The following PLSCR4 variants were observed in gnomAD, a reference collection of about 807,000 sequenced individuals.
PLSCR4 encodes the protein phospholipid scramblase 4.
In PLSCR4, 25 loss-of-function variants were observed where a neutral mutation model predicts 36.3. The observed-to-expected ratio is 0.69, with a 90% CI of 0.50 to 0.96. PLSCR4 has a LOEUF of 0.96. Ranked by LOEUF, PLSCR4 falls within the 40% of genes least tolerant of loss-of-function variation. The pLI, the probability that PLSCR4 is intolerant of heterozygous loss-of-function variation, is 0.00. For synonymous variants in PLSCR4, 122 were observed against 132.9 expected (o/e 0.92, Z 0.56); for missense variants, 408 against 414.7 (o/e 0.98, Z 0.14).
intron 1 of PLSCR4, among the ~76,000 whole-genome samples, chr3:146,246,835 A>C (rs1212293502): frequency 6.6e-6 from 1 of 152,174 alleles, no homozygotes; most frequent in Non-Finnish European, 1.5e-5. Context: ...TGTGCAAACA[A>C]ACACAAATAT....
chr3:146,215,724 T>G (rs1251423995), intron 3 of PLSCR4, among the ~76,000 whole-genome samples: 5 of 152,220 alleles, frequency 3.3e-5, no homozygotes, highest in Non-Finnish European at 7.3e-5. Context: ...TCACCTCATG[T>G]CCACATAAGT....
intron 1 of PLSCR4, among the ~76,000 whole-genome samples, chr3:146,231,288 C>T (rs4273339): frequency 0.79 from 120,297 of 152,092 alleles, 48,327 homozygotes; most frequent in Non-Finnish European, 0.86. Context: ...ACTAGGTTGA[C>T]TTCATGTTGT....
chr3:146,214,633 A>C (rs1192035222), intron 3 of PLSCR4, among the ~76,000 whole-genome samples: 1 of 151,868 alleles, frequency 6.6e-6, no homozygotes, highest in Non-Finnish European at 1.5e-5. Context: ...ACATGATTTT[A>C]ATTGTTTTAA....
intron 1 of PLSCR4, among the ~76,000 whole-genome samples, chr3:146,250,243 G>A (rs2036492202): frequency 6.6e-6 from 1 of 152,116 alleles, no homozygotes; most frequent in Non-Finnish European, 1.5e-5. Flanking sequence ...ACAGGAGAAT[G>A]CAATTTAAAT....
intron 1 of PLSCR4, among the ~76,000 whole-genome samples, chr3:146,245,077 TGA>T (rs1029865021): frequency 1.3e-5 from 2 of 152,200 alleles, no homozygotes; most frequent in African/African-American, 4.8e-5. Context: ...CCTGCAGATG[TGA>T]GAGAATAGCA....
At chr3:146,221,924 T>C (rs1176707617) in intron 2 of PLSCR4, 141 bp downstream of exon 2, 5 of 417,568 alleles carry the variant, frequency 1.2e-5, no homozygotes, top group Non-Finnish European at 1.7e-5. Context: ...CATACATATA[T>C]ATATGCAAAC....
chr3:146,250,988 G>GGGACGCC lies in PLSCR4; in HGVS notation c.-57_-51dup, dbSNP rs1167499843. On this transcript the variant is annotated 5_prime_UTR_variant, in exon 1 of 9. Transcript: ENST00000354952. ...CTGCCCCGCAGAATGCTGGGCACCG[G>GGGACGCC]GGACGCCAGACGCCGGGTCTAGTTG... is the stretch of plus-strand genomic sequence containing the variant. 3.3e-5 allele frequency: 5 copies of GGGACGCC among 153,162 alleles called. No individual in the cohort carries two copies. Among genetic ancestry groups the GGGACGCC allele is most frequent in the Non-Finnish European group, 5.8e-5 (4 of 68,880 alleles). 9.5% of individuals were successfully genotyped at this position (153,162 alleles called of 1,614,324 possible). A position where few individuals can be genotyped will look rare whatever the true frequency, so the allele number is the denominator to read the frequency against.
chr3:146,222,289 T>C (rs1367888388), intron 1 of PLSCR4, 197 bp from the exon 2 acceptor site: 1 of 306,200 alleles, frequency 3.3e-6, no homozygotes, highest in Admixed American at 5.2e-5. Context: ...AGTACAGCAA[T>C]GAAGCAGACA....
chr3:146,243,873 T>C (rs1217016935), intron 1 of PLSCR4, among the ~76,000 whole-genome samples: 1 of 152,146 alleles, frequency 6.6e-6, no homozygotes, highest in Admixed American at 6.6e-5. Flanking sequence ...CTTAAAATAA[T>C]AAAATTCAGT....
intron 4 of PLSCR4, among the ~76,000 whole-genome samples, chr3:146,205,833 G>C (rs993034081): frequency 2.0e-5 from 3 of 152,178 alleles, no homozygotes; most frequent in Middle Eastern, 6.8e-3. Context: ...TACTCTGCCA[G>C]CTTTATCTTA....
chr3:146,202,275 C>T (rs2034089229), intron 4 of PLSCR4, among the ~76,000 whole-genome samples: 1 of 151,964 alleles, frequency 6.6e-6, no homozygotes. Context: ...TACAGGCATA[C>T]TCTGAAGATA....
chr3:146,215,968 C>G (rs572115715), intron 3 of PLSCR4, among the ~76,000 whole-genome samples: 1 of 152,172 alleles, frequency 6.6e-6, no homozygotes, highest in Non-Finnish European at 1.5e-5. Flanking sequence ...CTGTGGCTCA[C>G]GCCTGTAATC....
chr3:146,214,356 C>T (rs1410459620), intron 3 of PLSCR4, among the ~76,000 whole-genome samples: 1 of 10,668 alleles, frequency 9.4e-5, no homozygotes, highest in Non-Finnish European at 2.6e-4. Context: ...ATCTCCTGAC[C>T]TCGTGATCCG....
chr3:146,239,534 A>G (rs944458467), intron 1 of PLSCR4, among the ~76,000 whole-genome samples: 2 of 152,038 alleles, frequency 1.3e-5, no homozygotes, highest in East Asian at 1.9e-4. Context: ...AAAAAAAAAA[A>G]AAAAACTTGG....
At chr3:146,199,376 T>C (rs1054574641) in intron 6 of PLSCR4, among the ~76,000 whole-genome samples, 1 of 152,142 alleles carries the variant, frequency 6.6e-6, no homozygotes, top group African/African-American at 2.4e-5. Flanking sequence ...CATTTAGTAA[T>C]TTTGAGCCAC....
chr3:146,200,170 G>A, intron 5 of PLSCR4, 131 bp from the exon 6 acceptor site: 4 of 605,428 alleles, frequency 6.6e-6, no homozygotes, highest in Non-Finnish European at 1.2e-5. Flanking sequence ...ATGTAGAATT[G>A]ATTAGAGTAC....
intron 1 of PLSCR4, among the ~76,000 whole-genome samples, chr3:146,226,970 A>G (rs1490319336): frequency 6.6e-6 from 1 of 151,572 alleles, no homozygotes; most frequent in Non-Finnish European, 1.5e-5. Context: ...TCACCACCCT[A>G]TATTCTATTC....
intron 1 of PLSCR4, among the ~76,000 whole-genome samples, chr3:146,229,841 G>T (rs1027426665): frequency 2.2e-4 from 34 of 151,920 alleles, no homozygotes; most frequent in Admixed American, 6.6e-5. Context: ...AGCCAGGATG[G>T]TCTCGATCTC....
intron 1 of PLSCR4, among the ~76,000 whole-genome samples, chr3:146,234,863 A>C (rs1208363959): frequency 6.6e-6 from 1 of 152,168 alleles, no homozygotes; most frequent in East Asian, 1.9e-4. Flanking sequence ...AGACTGGCCA[A>C]GGGTTGTGCA....
Sources: gnomAD v4.1 joint callset for allele counts (sites outside exome capture counted in the v4.1 genomes callset) on GRCh38, gnomAD v4.1.1 for gene constraint, MANE v1.5 for transcripts, NCBI Gene and HGNC (gene_info 2026-07-23, HGNC 2026-07-21) for gene names.